LIPA: variants seen among roughly 807,000 people sequenced by gnomAD.
LIPA encodes the protein lysosomal acid lipase/cholesteryl ester hydrolase.
A neutral mutation model predicts 40.6 loss-of-function variants in LIPA; 26 were observed. That is an observed-to-expected ratio of 0.64 (90% CI 0.47 to 0.89). The LOEUF (loss-of-function observed/expected upper bound fraction) is 0.89, where lower values mean the gene tolerates loss of function less well. Ranked by LOEUF, LIPA falls within the 40% of genes least tolerant of loss-of-function variation. LIPA has a pLI of 0.00. For synonymous variants in LIPA, 188 were observed against 168.4 expected (o/e 1.12, Z -0.90); for missense variants, 455 against 479.6 (o/e 0.95, Z 0.48).
chr10:89,278,658 C>T (rs1383984253), intron 1 of LIPA, among the ~76,000 whole-genome samples: 1 of 151,862 alleles, frequency 6.6e-6, no homozygotes, highest in Non-Finnish European at 1.5e-5. Flanking sequence ...AAGACAGGCT[C>T]CAAATAGTTC....
chr10:89,311,879 A>G (rs1389468791), intron 1 of LIPA, among the ~76,000 whole-genome samples: 2 of 152,180 alleles, frequency 1.3e-5, no homozygotes, highest in East Asian at 3.8e-4. Context: ...TTTCCAAAAA[A>G]GGCACTGGCG....
chr10:89,357,552 G>A (rs538453775), intron 2 of LIPA, among the ~76,000 whole-genome samples: 1 of 152,296 alleles, frequency 6.6e-6, no homozygotes, highest in Non-Finnish European at 1.5e-5. Flanking sequence ...AGAAAATAAA[G>A]TTGTGTTAAC....
At chr10:89,230,334 T>C (rs1842824539) in intron 3 of LIPA, among the ~76,000 whole-genome samples, 1 of 152,164 alleles carries the variant, frequency 6.6e-6, no homozygotes, top group Non-Finnish European at 1.5e-5. Flanking sequence ...TGAGATAGGA[T>C]GTTGCTCTGT....
chr10:89,334,478 CTTTTTTTTTTTTTTT>C (rs578154457), intron 1 of LIPA, among the ~76,000 whole-genome samples: 18 of 25,314 alleles, frequency 7.1e-4, no homozygotes, highest in South Asian at 1.4e-3. Context: ...TTCTTTTATT[CTTTTTTTTTTTTTTT>C]TTTTTTTTTT....
In LIPA at chr10:89,310,028, C is replaced by T. The variant is rs374738413; in HGVS notation, c.-2+32583G>A. ...CTTCAACACCCATATCCATCAATGACCATTGCCCCTAAAACTGCCTTCAAT... is the reference window on the plus strand; with the variant it reads ...CTTCAACACCCATATCCATCAATGATCATTGCCCCTAAAACTGCCTTCAAT... On this transcript the variant is annotated intron_variant, in intron 1 of 5. Transcript: ENST00000282673. Among the ~76,000 whole-genome samples the T allele has an allele frequency of 5.9e-5, 9 of 152,320 alleles. No individual in the cohort carries two copies. In the East Asian group the frequency reaches 1.7e-3, roughly 29 times the overall value.
At chr10:89,232,305 T>C (rs144093756) in intron 3 of LIPA, among the ~76,000 whole-genome samples, 3 of 152,302 alleles carry the variant, frequency 2.0e-5, no homozygotes, top group East Asian at 3.9e-4. Flanking sequence ...TGAGGCACTT[T>C]TCACCCACCA....
At chr10:89,231,747 G>A (rs555832715) in intron 3 of LIPA, among the ~76,000 whole-genome samples, 21 of 152,236 alleles carry the variant, frequency 1.4e-4, no homozygotes, top group African/African-American at 4.8e-4. Context: ...CAAAGTGCGG[G>A]GATTACAGAA....
At chr10:89,270,768 G>C (rs2133492424) in intron 1 of LIPA, among the ~76,000 whole-genome samples, 1 of 152,298 alleles carries the variant, frequency 6.6e-6, no homozygotes, top group East Asian at 1.9e-4. Context: ...CAGATCTGAT[G>C]GTGCTCGAAG....
intron 3 of LIPA, among the ~76,000 whole-genome samples, chr10:89,234,322 G>T (rs1171570733): frequency 6.6e-6 from 1 of 152,186 alleles, no homozygotes; most frequent in Non-Finnish European, 1.5e-5. Context: ...GGAATAGGAA[G>T]GACTTCATGG....
In LIPA at chr10:89,296,400, G is replaced by A. The variant is rs114708342; in HGVS notation, c.-2+46211C>T. 3.3e-3 allele frequency among the ~76,000 whole-genome samples: 487 copies of A among 149,562 alleles called. 1 individual carries two copies. Among genetic ancestry groups the A allele is most frequent in the African/African-American group, 0.011 (434 of 40,328 alleles). On this transcript the variant is annotated intron_variant, in intron 1 of 5. Transcript: ENST00000282673. ...CCAGCTACTTGGGAGGGTGAGGCAC[G>A]AGAACTGCTTGAACCCGGTAGGCAG...
intron 1 of LIPA, among the ~76,000 whole-genome samples, chr10:89,261,066 T>C (rs1427032867): frequency 3.3e-5 from 5 of 152,208 alleles, no homozygotes; most frequent in Non-Finnish European, 5.9e-5. Flanking sequence ...CTTTGATTCC[T>C]ATTAACGACA....
chr10:89,326,453 G>A (rs918884012), intron 1 of LIPA, among the ~76,000 whole-genome samples: 12 of 152,168 alleles, frequency 7.9e-5, no homozygotes, highest in African/African-American at 1.4e-4. Context: ...GAGTAGTAGC[G>A]GGGGAAGTGG....
intron 1 of LIPA, among the ~76,000 whole-genome samples, chr10:89,251,444 C>G (rs1006253301): frequency 6.6e-6 from 1 of 152,214 alleles, no homozygotes; most frequent in African/African-American, 2.4e-5. Flanking sequence ...GAGCACTGGG[C>G]AGCTTCACTG....
intron 1 of LIPA, among the ~76,000 whole-genome samples, chr10:89,271,147 T>C (rs1021708352): frequency 1.3e-5 from 2 of 152,230 alleles, no homozygotes; most frequent in Non-Finnish European, 2.9e-5. Flanking sequence ...TGTCTTCTCA[T>C]GGGGAGTTCC....
At position 89,260,054 on chromosome 10, in the gene LIPA, T is replaced by C. The variant is rs112975630; in HGVS notation, c.-1-12405A>G. ...GCAGTTTAATCTTCATCTGTCATAC[T>C]TCGATAAGCCTATTTAAAAAAATAC... On this transcript the variant is annotated intron_variant, in intron 1 of 5. Coordinates refer to the LIPA transcript ENST00000282673. Among the ~76,000 whole-genome samples, 392 of 152,364 alleles carry C rather than the reference T, an allele frequency of 2.6e-3. 5 individuals are homozygous for C. Among genetic ancestry groups the C allele is most frequent in the South Asian group, 0.018 (87 of 4,830 alleles).
intron 3 of LIPA, among the ~76,000 whole-genome samples, chr10:89,234,008 G>A (rs1021866803): frequency 6.6e-6 from 1 of 152,170 alleles, no homozygotes; most frequent in Non-Finnish European, 1.5e-5. Flanking sequence ...TCAGACACAC[G>A]ATGACTGTCT....
Position 89,223,877 on chromosome 10 carries a change from G to C in LIPA, c.676-47C>G, listed in dbSNP as rs138324531. ...AAGAACATCTCAGCATTTCACTCTG[G>C]TGCATAAGTCTCCGTGACTCACCTC... On this transcript the variant is annotated intron_variant, in intron 6 of 9. Transcript: ENST00000336233. 528 of 1,593,134 alleles carry C rather than the reference G, an allele frequency of 3.3e-4. No homozygotes were observed. The African/African-American group carries it at 6.2e-3, about 19-fold the overall frequency.
intron 2 of LIPA, among the ~76,000 whole-genome samples, chr10:89,247,086 T>C (rs1431778642): frequency 6.6e-6 from 1 of 151,922 alleles, no homozygotes; most frequent in Non-Finnish European, 1.5e-5. Context: ...TTCAGAGAAA[T>C]TGGGCTGGGC....
intron 1 of LIPA, among the ~76,000 whole-genome samples, chr10:89,301,483 C>T (rs1843444900): frequency 6.6e-6 from 1 of 152,174 alleles, no homozygotes; most frequent in South Asian, 2.1e-4. Context: ...AGGAGTTGTG[C>T]TCCCTTGATG....
Sources: allele counts gnomAD v4.1 joint callset (sites outside exome capture counted in the v4.1 genomes callset), GRCh38; gene constraint gnomAD v4.1.1; transcripts MANE v1.5; gene names NCBI Gene and HGNC (gene_info 2026-07-23, HGNC 2026-07-21).